Variants in TRHDE observed in about 807,000 individuals in gnomAD.
TRHDE encodes the protein thyrotropin releasing hormone degrading enzyme.
Under a neutral mutation model 125.7 loss-of-function variants are expected in TRHDE, and 72 were observed. The ratio of observed to expected loss-of-function variants is 0.57; its 90% CI spans 0.47 to 0.70. The LOEUF (loss-of-function observed/expected upper bound fraction) is 0.70, where lower values mean the gene tolerates loss of function less well. TRHDE is among the 30% of genes least tolerant of loss of function. TRHDE has a pLI of 0.00. For missense variants in TRHDE, 1,110 were observed against 1,327.1 expected (o/e 0.84, Z 2.54); for synonymous variants, 509 against 509.1 (o/e 1.00, Z 0.00).
intron 1 of TRHDE, among the ~76,000 whole-genome samples, chr12:72,095,805 G>A (rs186926405): frequency 8.8e-4 from 134 of 152,250 alleles, no homozygotes; most frequent in Non-Finnish European, 1.6e-3. Flanking sequence ...CTGCAGGTCC[G>A]AGATATGTGG....
intron 5 of TRHDE, among the ~76,000 whole-genome samples, chr12:72,480,167 G>C (rs1877100623): frequency 6.6e-6 from 1 of 151,630 alleles, no homozygotes; most frequent in Admixed American, 6.6e-5. Context: ...TAGTCCTTTG[G>C]GTATATACCC....
chr12:72,144,649 CT>C (rs1876188559), intron 2 of TRHDE, among the ~76,000 whole-genome samples: 2 of 152,100 alleles, frequency 1.3e-5, no homozygotes, highest in Admixed American at 1.3e-4. Flanking sequence ...ATTCATCTTC[CT>C]TGTTCCAAAT....
At chr12:72,649,234 C>T (rs1874405963) in intron 15 of TRHDE, among the ~76,000 whole-genome samples, 1 of 151,644 alleles carries the variant, frequency 6.6e-6, no homozygotes, top group Non-Finnish European at 1.5e-5. Context: ...AAAATAAATT[C>T]ACAAATATAT....
intron 12 of TRHDE, among the ~76,000 whole-genome samples, chr12:72,585,628 G>T (rs927941163): frequency 6.6e-6 from 1 of 152,234 alleles, no homozygotes; most frequent in African/African-American, 2.4e-5. Flanking sequence ...AAAGAGGACA[G>T]AAACTACTTG....
intron 5 of TRHDE, among the ~76,000 whole-genome samples, chr12:72,484,672 G>T (rs1468489443): frequency 6.6e-6 from 1 of 152,138 alleles, no homozygotes; most frequent in Non-Finnish European, 1.5e-5. Context: ...TATTAGGAAT[G>T]CATTCATTGA....
intron 5 of TRHDE, among the ~76,000 whole-genome samples, chr12:72,479,062 G>A (rs943498973): frequency 6.6e-6 from 1 of 151,776 alleles, no homozygotes; most frequent in Non-Finnish European, 1.5e-5. Context: ...CTAATTCTGT[G>A]CATTTCAGAA....
intron 2 of TRHDE, among the ~76,000 whole-genome samples, chr12:72,353,340 G>A (rs1251769745): frequency 1.3e-5 from 2 of 151,632 alleles, no homozygotes; most frequent in Non-Finnish European, 3.0e-5. Flanking sequence ...GAAGCTCATG[G>A]AAACCAGAAA....
intron 3 of TRHDE, among the ~76,000 whole-genome samples, chr12:72,388,552 G>T (rs527821363): frequency 6.6e-6 from 1 of 152,186 alleles, no homozygotes; most frequent in South Asian, 2.1e-4. Flanking sequence ...CACAACACAG[G>T]AGAGAAAGAG....
intron 3 of TRHDE, among the ~76,000 whole-genome samples, chr12:72,422,698 A>C (rs1273193742): frequency 6.6e-5 from 10 of 152,180 alleles, no homozygotes; most frequent in Non-Finnish European, 1.2e-4. Flanking sequence ...GAGTGAAGAT[A>C]AATTTACTTA....
At chr12:72,362,642 C>T (rs948990490) in intron 2 of TRHDE, among the ~76,000 whole-genome samples, 2 of 150,882 alleles carry the variant, frequency 1.3e-5, no homozygotes, top group African/African-American at 2.4e-5. Flanking sequence ...CTTGCCCATG[C>T]CTATGTCCTG....
At chr12:72,520,579 G>A (rs553493762) in intron 6 of TRHDE, among the ~76,000 whole-genome samples, 1 of 152,308 alleles carries the variant, frequency 6.6e-6, no homozygotes, top group African/African-American at 2.4e-5. Context: ...ACCTCAGATG[G>A]AAATGCAGAA....
intron 2 of TRHDE, among the ~76,000 whole-genome samples, chr12:72,117,598 C>T (rs972023511): frequency 6.6e-5 from 10 of 151,850 alleles, no homozygotes; most frequent in African/African-American, 9.7e-5. Context: ...GGATTGTTTT[C>T]GCTATTTCTG....
At chr12:72,600,360 A>G (rs1592564618) in intron 12 of TRHDE, among the ~76,000 whole-genome samples, 1 of 152,164 alleles carries the variant, frequency 6.6e-6, no homozygotes, top group East Asian at 1.9e-4. Context: ...TGGCCATTTT[A>G]ATGATATCGA....
intron 2 of TRHDE, among the ~76,000 whole-genome samples, chr12:72,160,881 TTTA>T (rs1157115432): frequency 3.3e-5 from 5 of 152,226 alleles, no homozygotes; most frequent in Admixed American, 6.5e-5. Flanking sequence ...GTACTTCAAA[TTTA>T]TTACTGTTTT....
At chr12:72,306,760 G>C (rs1868347473) in intron 2 of TRHDE, 1 of 152,092 alleles carries the variant, frequency 6.6e-6, no homozygotes, top group Non-Finnish European at 1.5e-5. Context: ...TTTGACAAAA[G>C]CATTAAAATA....
intron 1 of TRHDE, among the ~76,000 whole-genome samples, chr12:72,093,412 T>A (rs1874837430): frequency 6.6e-6 from 1 of 152,154 alleles, no homozygotes; most frequent in Non-Finnish European, 1.5e-5. Context: ...TTAAATAAGC[T>A]TTCTGTGTTT....
chr12:72,413,521 T>A (rs2135817573), intron 3 of TRHDE, among the ~76,000 whole-genome samples: 1 of 151,936 alleles, frequency 6.6e-6, no homozygotes, highest in East Asian at 1.9e-4. Flanking sequence ...AAATTATTAT[T>A]AGCTCTACCT....
chr12:72,115,333 A>C (rs11832149), intron 2 of TRHDE, among the ~76,000 whole-genome samples: 8,902 of 148,320 alleles, frequency 0.06, 644 homozygotes, highest in African/African-American at 0.17. Context: ...TTCACTTAAC[A>C]TAATGACCTC....
chr12:72,518,269 T>C (rs1318632270), intron 6 of TRHDE, among the ~76,000 whole-genome samples: 3 of 144,782 alleles, frequency 2.1e-5, no homozygotes, highest in Non-Finnish European at 4.5e-5. Context: ...ATTATTAATG[T>C]GTGGGAGTCT....
Sources: allele counts gnomAD v4.1 joint callset (sites outside exome capture counted in the v4.1 genomes callset), GRCh38; gene constraint gnomAD v4.1.1; transcripts MANE v1.5; gene names NCBI Gene and HGNC (gene_info 2026-07-23, HGNC 2026-07-21).